RBFOX1: variants seen among roughly 807,000 people sequenced by gnomAD.
RBFOX1 encodes RNA binding protein fox-1 homolog 1.
Under a neutral mutation model 57.7 loss-of-function variants are expected in RBFOX1, and 8 were observed. The observed-to-expected ratio is 0.14, with a 90% CI of 0.08 to 0.25. The LOEUF (loss-of-function observed/expected upper bound fraction) is 0.25, where lower values mean the gene tolerates loss of function less well. Among genes scored for constraint, RBFOX1 ranks in the 10% least tolerant of loss-of-function variants. RBFOX1 has a pLI of 1.00. For synonymous variants in RBFOX1, 326 were observed against 222.4 expected (o/e 1.47, Z -4.15); for missense variants, 611 against 548.5 (o/e 1.11, Z -1.14).
chr16:6,841,426 A>AT (rs1440835261), intron 3 of RBFOX1, among the ~76,000 whole-genome samples: 1 of 151,960 alleles, frequency 6.6e-6, no homozygotes, highest in Non-Finnish European at 1.5e-5. Context: ...GTTTTCCATA[A>AT]TTTTTTTCTT....
At chr16:5,269,523 G>C in intron 1 of RBFOX1, among the ~76,000 whole-genome samples, 1 of 152,222 alleles carries the variant, frequency 6.6e-6, no homozygotes, top group Non-Finnish European at 1.5e-5. Context: ...CCACATGGTG[G>C]AATATTATTT....
intron 2 of RBFOX1, among the ~76,000 whole-genome samples, chr16:6,519,316 C>T (rs1176634633): frequency 1.3e-5 from 2 of 152,118 alleles, no homozygotes; most frequent in Admixed American, 1.3e-4. Flanking sequence ...GTTGCATTGT[C>T]ATTGCAGTTA....
At chr16:6,915,795 G>C (rs1322463031) in intron 3 of RBFOX1, among the ~76,000 whole-genome samples, 1 of 152,074 alleles carries the variant, frequency 6.6e-6, no homozygotes, top group South Asian at 2.1e-4. Context: ...CAGGTGATCT[G>C]CCTGCCCTGG....
chr16:6,526,817 G>A (rs560099398), intron 2 of RBFOX1, among the ~76,000 whole-genome samples: 26 of 101,460 alleles, frequency 2.6e-4, no homozygotes, highest in Non-Finnish European at 2.9e-4. Flanking sequence ...GCAACAGAGC[G>A]AGACTCTGTC....
At chr16:7,150,926 A>G (rs2075987897) in intron 4 of RBFOX1, among the ~76,000 whole-genome samples, 1 of 152,220 alleles carries the variant, frequency 6.6e-6, no homozygotes, top group Non-Finnish European at 1.5e-5. Flanking sequence ...TGTTCCCATT[A>G]GAAACCTTAA....
intron 3 of RBFOX1, among the ~76,000 whole-genome samples, chr16:6,989,357 G>T (rs891191995): frequency 6.6e-6 from 1 of 152,104 alleles, no homozygotes; most frequent in Non-Finnish European, 1.5e-5. Context: ...TCTGTCTTTT[G>T]AAGGACATTT....
intron 3 of RBFOX1, among the ~76,000 whole-genome samples, chr16:6,918,033 T>A (rs2153448481): frequency 6.6e-6 from 1 of 152,250 alleles, no homozygotes; most frequent in South Asian, 2.1e-4. Context: ...ACGCCTGTAA[T>A]CCCAGCACTT....
At chr16:6,947,317 T>A (rs1421724249) in intron 3 of RBFOX1, among the ~76,000 whole-genome samples, 1 of 152,190 alleles carries the variant, frequency 6.6e-6, no homozygotes, top group African/African-American at 2.4e-5. Flanking sequence ...TAGGGTGTGA[T>A]TTAACAGTCT....
At chr16:6,616,860 C>G (rs188388590) in intron 2 of RBFOX1, among the ~76,000 whole-genome samples, 1 of 152,230 alleles carries the variant, frequency 6.6e-6, no homozygotes, top group South Asian at 2.1e-4. Flanking sequence ...TATGGGCCAC[C>G]TCTAGCCTCT....
intron 5 of RBFOX1, among the ~76,000 whole-genome samples, chr16:7,571,603 G>A (rs3785245): frequency 6.6e-6 from 1 of 152,220 alleles, no homozygotes; most frequent in South Asian, 2.1e-4. Context: ...GGGAGTTTGT[G>A]TATTAAGAAA....
At chr16:7,452,325 G>C (rs573216757) in intron 4 of RBFOX1, among the ~76,000 whole-genome samples, 2 of 152,290 alleles carry the variant, frequency 1.3e-5, no homozygotes, top group South Asian at 2.1e-4. Flanking sequence ...GAGTCAGCCC[G>C]CGTTAGCGTG....
intron 2 of RBFOX1, among the ~76,000 whole-genome samples, chr16:5,528,941 T>A (rs1178756232): frequency 1.3e-5 from 2 of 152,066 alleles, no homozygotes; most frequent in Admixed American, 1.3e-4. Context: ...TGAGCCACCA[T>A]GCCTGGCCAC....
intron 1 of RBFOX1, among the ~76,000 whole-genome samples, chr16:6,112,585 A>T (rs1476320903): frequency 6.6e-6 from 1 of 152,104 alleles, no homozygotes; most frequent in Non-Finnish European, 1.5e-5. Context: ...CAGCTACCTG[A>T]GAGGCTGAGG....
At chr16:6,021,362 A>G (rs2095072899) in intron 1 of RBFOX1, among the ~76,000 whole-genome samples, 1 of 152,120 alleles carries the variant, frequency 6.6e-6, no homozygotes, top group Non-Finnish European at 1.5e-5. Flanking sequence ...GAGAGAAAAA[A>G]AAGATGAGAG....
chr16:5,260,312 C>A (rs1353873786), intron 1 of RBFOX1, among the ~76,000 whole-genome samples: 1 of 152,116 alleles, frequency 6.6e-6, no homozygotes, highest in Non-Finnish European at 1.5e-5. Context: ...CCAAATCTCA[C>A]GACCCCAAGA....
intron 3 of RBFOX1, among the ~76,000 whole-genome samples, chr16:6,658,937 T>G (rs12923133): frequency 4.0e-4 from 45 of 111,340 alleles, no homozygotes; most frequent in Non-Finnish European, 6.9e-4. Context: ...GGTTTTTTTG[T>G]TTTTTTTGTT....
At chr16:6,794,399 G>A (rs1018953691) in intron 3 of RBFOX1, among the ~76,000 whole-genome samples, 1 of 151,414 alleles carries the variant, frequency 6.6e-6, no homozygotes, top group Non-Finnish European at 1.5e-5. Context: ...AAAAAATGGG[G>A]TTTAATTACC....
chr16:7,184,549 C>G (rs1000480193), intron 4 of RBFOX1, among the ~76,000 whole-genome samples: 1 of 152,206 alleles, frequency 6.6e-6, no homozygotes, highest in Non-Finnish European at 1.5e-5. Context: ...TGAAGTATGA[C>G]ATATTGGCTG....
At position 7,086,440 on chromosome 16, in the gene RBFOX1, A is replaced by G. The variant is rs116798178; in HGVS notation, c.27+34342A>G. On this transcript the variant is annotated intron_variant, in intron 4 of 15. Coordinates refer to ENST00000550418, the MANE Select transcript of RBFOX1 (RefSeq NM_018723.4). Reference sequence around the variant, plus strand: ...CAATAATTGAACACTGCATCAATTAATATGCTGGGCAAATTGCATTCCCCA... The same window carrying G: ...CAATAATTGAACACTGCATCAATTAGTATGCTGGGCAAATTGCATTCCCCA... Among the ~76,000 whole-genome samples, 1,169 of 152,316 alleles carry G rather than the reference A, an allele frequency of 7.7e-3. 15 individuals are homozygous for G. Among genetic ancestry groups the G allele is most frequent in the African/African-American group, 0.026 (1,095 of 41,558 alleles).
Sources: allele counts gnomAD v4.1 joint callset (sites outside exome capture counted in the v4.1 genomes callset), GRCh38; gene constraint gnomAD v4.1.1; transcripts MANE v1.5; gene names NCBI Gene and HGNC (gene_info 2026-07-23, HGNC 2026-07-21).